The following NRG1 variants were observed in gnomAD, a reference collection of about 807,000 sequenced individuals.
NRG1 encodes pro-neuregulin-1, membrane-bound isoform.
A neutral mutation model predicts 63.8 loss-of-function variants in NRG1; 18 were observed. The observed-to-expected ratio is 0.28, with a 90% CI of 0.19 to 0.42. The LOEUF is 0.42. Ranked by LOEUF, NRG1 falls within the 10% of genes least tolerant of loss-of-function variation. NRG1 has a pLI of 1.00. For synonymous variants in NRG1, 302 were observed against 301.3 expected (o/e 1.00, Z -0.02); for missense variants, 762 against 814.7 (o/e 0.94, Z 0.79).
chr8:31,776,751 A>G (rs1819183613), intron 1 of NRG1, among the ~76,000 whole-genome samples: 1 of 151,334 alleles, frequency 6.6e-6, no homozygotes. Flanking sequence ...ATGTGCTCTC[A>G]TTGTTCAATT....
chr8:32,239,434 G>T (rs1018606732), intron 1 of NRG1, among the ~76,000 whole-genome samples: 29 of 151,738 alleles, frequency 1.9e-4, no homozygotes, highest in African/African-American at 7.0e-4. Context: ...AAACAAACAG[G>T]AGAAAATGAT....
At chr8:32,463,874 CTTTTTTTTTTTTTTTTTTTTTTTT>C (rs756489856) in intron 1 of NRG1, among the ~76,000 whole-genome samples, 5 of 42,354 alleles carry the variant, frequency 1.2e-4, no homozygotes, top group East Asian at 1.2e-3. Flanking sequence ...ACTTAGAATT[CTTTTTTTTTTTTTTTTTTTTTTTT>C]TTTTTTTTTT....
At chr8:31,755,744 C>T (rs753662133) in intron 1 of NRG1, among the ~76,000 whole-genome samples, 1 of 152,082 alleles carries the variant, frequency 6.6e-6, no homozygotes, top group African/African-American at 2.4e-5. Flanking sequence ...TTTACTTGCT[C>T]CCAGGGCTGT....
intron 1 of NRG1, among the ~76,000 whole-genome samples, chr8:32,184,821 G>A (rs1183666979): frequency 1.3e-5 from 2 of 152,130 alleles, no homozygotes; most frequent in African/African-American, 4.8e-5. Context: ...TTTTCAGAAT[G>A]GCAGTGAGAC....
chr8:31,796,728 C>T (rs183225046), intron 1 of NRG1, among the ~76,000 whole-genome samples: 3 of 152,212 alleles, frequency 2.0e-5, no homozygotes, highest in Non-Finnish European at 2.9e-5. Context: ...TGAGCCACTG[C>T]GCCCGGCCAG....
intron 1 of NRG1, among the ~76,000 whole-genome samples, chr8:31,954,181 G>T (rs936727887): frequency 6.6e-6 from 1 of 152,004 alleles, no homozygotes; most frequent in Non-Finnish European, 1.5e-5. Context: ...TAAAATCACA[G>T]CCCTGGAGCT....
In NRG1 at chr8:31,819,432, G is replaced by T. The variant is rs145928266; in HGVS notation, c.37+180001G>T. 2.0e-5 allele frequency among the ~76,000 whole-genome samples: 3 copies of T among 152,252 alleles called. No homozygotes were observed. The East Asian group carries it at 5.8e-4, about 29-fold the overall frequency. ...ACATCTAATGTTGGATATGTATTTT[G>T]TGCCTTTTATTTAAAATAACATACA... On this transcript the variant is annotated intron_variant, in intron 1 of 10. Transcript: ENST00000519301.
intron 1 of NRG1, among the ~76,000 whole-genome samples, chr8:32,579,464 A>C (rs1012400623): frequency 3.3e-5 from 5 of 152,110 alleles, no homozygotes; most frequent in African/African-American, 1.2e-4. Flanking sequence ...AGCCTCTGGG[A>C]TTGAACTTCA....
intron 1 of NRG1, among the ~76,000 whole-genome samples, chr8:32,360,591 G>A (rs765535761): frequency 7.9e-5 from 12 of 151,948 alleles, no homozygotes; most frequent in Non-Finnish European, 1.3e-4. Flanking sequence ...TTCTTTTGTC[G>A]TTTTACAGAA....
chr8:32,481,817 TGGA>T (rs997012704), intron 1 of NRG1, among the ~76,000 whole-genome samples: 61 of 151,918 alleles, frequency 4.0e-4, no homozygotes, highest in Non-Finnish European at 8.7e-4. Flanking sequence ...TGGATTAGGG[TGGA>T]GGAGATGAAA....
chr8:32,071,285 T>C (rs7819948), intron 1 of NRG1, among the ~76,000 whole-genome samples: 148,725 of 152,332 alleles, frequency 0.98, 72,703 homozygotes, highest in East Asian at 1. Flanking sequence ...ATGATATTTT[T>C]ATGATAGATA....
chr8:32,466,714 T>C (rs1401690122), intron 1 of NRG1, among the ~76,000 whole-genome samples: 1 of 152,132 alleles, frequency 6.6e-6, no homozygotes, highest in Non-Finnish European at 1.5e-5. Flanking sequence ...AGTTGAAATT[T>C]GAAGAATTCA....
chr8:32,333,101 T>C (rs749023669), intron 1 of NRG1, among the ~76,000 whole-genome samples: 7 of 152,224 alleles, frequency 4.6e-5, no homozygotes, highest in Non-Finnish European at 1.0e-4. Context: ...TCATCTGCTC[T>C]CATCCTACCA....
At chr8:31,814,625 T>C (rs534004160) in intron 1 of NRG1, among the ~76,000 whole-genome samples, 2 of 150,614 alleles carry the variant, frequency 1.3e-5, no homozygotes, top group Non-Finnish European at 3.0e-5. Context: ...GTGTTTCCCC[T>C]AATAATTAAT....
intron 1 of NRG1, among the ~76,000 whole-genome samples, chr8:32,444,670 T>C (rs946462986): frequency 1.3e-5 from 2 of 152,202 alleles, no homozygotes; most frequent in African/African-American, 2.4e-5. Flanking sequence ...TATATTTTTC[T>C]ATCCATTCCT....
rs561268192 is a variant in NRG1 at position 32,040,167 on chromosome 8, C to T, written c.37+400736C>T. On this transcript the variant is annotated intron_variant, in intron 1 of 10. Transcript: ENST00000519301. Reference sequence around the variant, plus strand: ...GGAAGAAAGCAACTTTAAAGAATTTCTATCATCATTCTCATAATACCAATA... The same window carrying T: ...GGAAGAAAGCAACTTTAAAGAATTTTTATCATCATTCTCATAATACCAATA... Among the ~76,000 whole-genome samples the T allele has an allele frequency of 1.3e-4, 20 of 152,252 alleles. No homozygotes were observed. In the South Asian group the frequency reaches 4.1e-3, roughly 32 times the overall value.
chr8:32,412,420 C>CATATA (rs1815116027), intron 1 of NRG1, among the ~76,000 whole-genome samples: 2 of 41,816 alleles, frequency 4.8e-5, no homozygotes, highest in Non-Finnish European at 1.1e-4. Context: ...CTCTCTCTCT[C>CATATA]TACATATATA....
intron 1 of NRG1, among the ~76,000 whole-genome samples, chr8:31,983,690 G>A (rs530963778): frequency 6.6e-5 from 10 of 152,162 alleles, no homozygotes; most frequent in South Asian, 6.2e-4. Context: ...CAAAGAGAGC[G>A]CTCTTCAACT....
intron 1 of NRG1, among the ~76,000 whole-genome samples, chr8:32,050,204 T>C (rs932301718): frequency 6.6e-6 from 1 of 152,060 alleles, no homozygotes; most frequent in Non-Finnish European, 1.5e-5. Context: ...TTAAAAGACA[T>C]TGCGTCAGTT....
Sources: allele counts gnomAD v4.1 joint callset (sites outside exome capture counted in the v4.1 genomes callset), GRCh38; gene constraint gnomAD v4.1.1; transcripts MANE v1.5; gene names NCBI Gene and HGNC (gene_info 2026-07-23, HGNC 2026-07-21).